Variants in RASGRP3 observed in about 807,000 individuals in gnomAD.
RASGRP3 encodes the protein ras guanyl-releasing protein 3.
A neutral mutation model predicts 82.7 loss-of-function variants in RASGRP3; 54 were observed. The ratio of observed to expected loss-of-function variants is 0.65; its 90% CI spans 0.52 to 0.82. The LOEUF is 0.82. Ranked by LOEUF, RASGRP3 falls within the 40% of genes least tolerant of loss-of-function variation. The probability of loss-of-function intolerance (pLI) is 0.00; values close to 1 mark genes in which losing one functional copy is unlikely to be tolerated. For synonymous variants in RASGRP3, 309 were observed against 300.5 expected (o/e 1.03, Z -0.29); for missense variants, 861 against 828.9 (o/e 1.04, Z -0.48).
At chr2:33,458,343 G>C (rs1434079746) in intron 2 of RASGRP3, among the ~76,000 whole-genome samples, 1 of 152,150 alleles carries the variant, frequency 6.6e-6, no homozygotes, top group Non-Finnish European at 1.5e-5. Context: ...TATAATTTAT[G>C]ATTTTTTTTC....
intron 2 of RASGRP3, among the ~76,000 whole-genome samples, chr2:33,464,125 T>A (rs1244896509): frequency 3.5e-5 from 5 of 144,096 alleles, no homozygotes; most frequent in East Asian, 4.3e-4. Context: ...TTATTATTAT[T>A]ATTATTATTA....
chr2:33,527,489 G>T, intron 10 of RASGRP3, 77 bp downstream of exon 10: 1 of 1,418,552 alleles, frequency 7.0e-7, no homozygotes, highest in South Asian at 1.4e-5. Flanking sequence ...GAAGATGTGT[G>T]CCAGCAATTC....
At chr2:33,509,623 ACTC>A (rs1670740239) in intron 1 of RASGRP3, among the ~76,000 whole-genome samples, 1 of 151,922 alleles carries the variant, frequency 6.6e-6, no homozygotes, top group South Asian at 2.1e-4. Context: ...CTAAGCTAAA[ACTC>A]CTCAGGCTTC....
In RASGRP3 at chr2:33,525,482, G is replaced by A. The variant is rs563845335; in HGVS notation, c.807+934G>A. Among the ~76,000 whole-genome samples, 3 of 151,946 alleles carry A rather than the reference G, an allele frequency of 2.0e-5. No individual in the cohort carries two copies. The South Asian group carries it at 6.2e-4, about 32-fold the overall frequency. ...CTTATGAAAAGATTCTCATATAAGA[G>A]TGCACTTTGCTACTTCAATAAGGAC... On this transcript the variant is annotated intron_variant, in intron 9 of 17. Transcript: ENST00000403687.
At chr2:33,535,944 C>T (rs10199115) in intron 11 of RASGRP3, among the ~76,000 whole-genome samples, 106,253 of 151,992 alleles carry the variant, frequency 0.7, 37,511 homozygotes, top group Admixed American at 0.78. Context: ...GCACCAGAAT[C>T]GCTTCCAGTT....
At chr2:33,501,552 G>A (rs747207833) in intron 1 of RASGRP3, among the ~76,000 whole-genome samples, 3 of 152,226 alleles carry the variant, frequency 2.0e-5, no homozygotes, top group African/African-American at 4.8e-5. Context: ...TCACCCAAAT[G>A]TTAAGTAAAA....
chr2:33,455,232 A>G (rs187785242), intron 2 of RASGRP3, among the ~76,000 whole-genome samples: 4 of 152,242 alleles, frequency 2.6e-5, no homozygotes, highest in Non-Finnish European at 5.9e-5. Flanking sequence ...ATTTTTCTAT[A>G]TTATTTCAAT....
chr2:33,561,750 T>A (rs1257988730), intron 17 of RASGRP3, among the ~76,000 whole-genome samples: 1 of 152,194 alleles, frequency 6.6e-6, no homozygotes, highest in African/African-American at 2.4e-5. Flanking sequence ...TACGTGTGTT[T>A]GTAATCTGTG....
At chr2:33,551,994 A>AAAAC (rs201569860) in intron 14 of RASGRP3, among the ~76,000 whole-genome samples, 5,645 of 134,152 alleles carry the variant, frequency 0.042, 221 homozygotes, top group East Asian at 0.23. Flanking sequence ...CTCCATCTCA[A>AAAAC]AAACAAACAA....
rs1666654851 is a variant in RASGRP3, at chr2:33,465,680, T to G, written c.-261+17737T>G. On this transcript the variant is annotated intron_variant, in intron 2 of 18. Transcript: ENST00000402538. ...ATTTTCCACGTAGTTGAACCAGCCT[T>G]AAATTGGAAGAAGATGTCATCTAGG... 1.3e-5 allele frequency among the ~76,000 whole-genome samples: 2 copies of G among 152,162 alleles called. 1 individual carries two copies. The highest frequency in any genetic ancestry group is 1.3e-4 in the Admixed American group (2 of 15,276).
At position 33,515,188 on chromosome 2, in the gene RASGRP3, A is replaced by C; in HGVS notation, c.52A>C (p.Thr18Pro). Reference sequence around the variant, plus strand: ...AGCAACATTAGATGAACTGCTGTGCACTTGCATTGAGATGTTTGGTACGAG... The same window carrying C: ...AGCAACATTAGATGAACTGCTGTGCCCTTGCATTGAGATGTTTGGTACGAG... Reference protein sequence around the residue: ...KAATLDELLCTCIEMFDDNGE... With the variant: ...KAATLDELLCPCIEMFDDNGE... Residue 18 changes from threonine (T) to proline (P), a missense_variant, in exon 3 of 18, where the codon ACT (threonine) becomes CCT (proline). Coordinates refer to ENST00000403687, the MANE Select transcript of RASGRP3 (RefSeq NM_001139488.2). The C allele has an allele frequency of 6.2e-7, 1 of 1,613,950 alleles. No individual in the cohort carries two copies. Among genetic ancestry groups the C allele is most frequent in the Non-Finnish European group, 8.5e-7 (1 of 1,179,844 alleles).
At chr2:33,468,178 A>G (rs1666835804) in intron 2 of RASGRP3, among the ~76,000 whole-genome samples, 1 of 152,112 alleles carries the variant, frequency 6.6e-6, no homozygotes, top group African/African-American at 2.4e-5. Context: ...AATATTTATT[A>G]TAGAAACAGT....
chr2:33,525,679 A>G (rs1445659925), intron 9 of RASGRP3, among the ~76,000 whole-genome samples: 1 of 139,824 alleles, frequency 7.2e-6, no homozygotes, highest in Non-Finnish European at 1.5e-5. Flanking sequence ...CCTGGGTAAC[A>G]TAGCTAGATC....
chr2:33,466,523 A>G (rs1666705761), intron 2 of RASGRP3, among the ~76,000 whole-genome samples: 1 of 152,168 alleles, frequency 6.6e-6, no homozygotes, highest in African/African-American at 2.4e-5. Context: ...TACTAAAAAT[A>G]CAAAAATTGG....
chr2:33,526,964 G>A (rs1574425877), intron 9 of RASGRP3, among the ~76,000 whole-genome samples, 173 bp from the exon 10 acceptor site: 1 of 152,128 alleles, frequency 6.6e-6, no homozygotes, highest in Admixed American at 6.5e-5. Context: ...GCATAGCCAG[G>A]CCTAGTACTT....
At chr2:33,557,240 A>ACTGT (rs1676083856) in intron 15 of RASGRP3, among the ~76,000 whole-genome samples, 1 of 152,174 alleles carries the variant, frequency 6.6e-6, no homozygotes, top group Non-Finnish European at 1.5e-5. Flanking sequence ...TTAACATTCT[A>ACTGT]CTGTCTTATC....
At chr2:33,551,841 A>C (rs1165965682) in intron 14 of RASGRP3, among the ~76,000 whole-genome samples, 2 of 151,076 alleles carry the variant, frequency 1.3e-5, no homozygotes, top group Admixed American at 6.6e-5. Flanking sequence ...AAAATACAAA[A>C]AATTAGCAGG....
Position 33,515,081 on chromosome 2 carries a change from G to C in RASGRP3, c.-56G>C. ...CATCGCTGACTTGCATGATTATGGA[G>C]ATGGTCTATCTGATGCTGAAAATGT... On this transcript the variant is annotated 5_prime_UTR_variant, in exon 3 of 18. Transcript: ENST00000403687. The C allele has an allele frequency of 2.0e-6, 3 of 1,527,842 alleles. No individual in the cohort carries two copies. The highest frequency in any genetic ancestry group is 2.7e-6 in the Non-Finnish European group (3 of 1,101,656). 94.6% of individuals were successfully genotyped at this position (1,527,842 alleles called of 1,614,324 possible). A position where few individuals can be genotyped will look rare whatever the true frequency, so the allele number is the denominator to read the frequency against.
chr2:33,486,011 T>G (rs1262782754), intron 1 of RASGRP3, among the ~76,000 whole-genome samples: 2 of 152,104 alleles, frequency 1.3e-5, no homozygotes, highest in East Asian at 3.9e-4. Flanking sequence ...TTTTAGAAAT[T>G]TTTCTCAACC....
Sources: allele counts gnomAD v4.1 joint callset (sites outside exome capture counted in the v4.1 genomes callset), GRCh38; gene constraint gnomAD v4.1.1; transcripts MANE v1.5; gene names NCBI Gene and HGNC (gene_info 2026-07-23, HGNC 2026-07-21).